Variants in CNTNAP5 observed in about 807,000 individuals in gnomAD.
The protein encoded by CNTNAP5 is contactin associated protein family member 5.
Under a neutral mutation model 150.2 loss-of-function variants are expected in CNTNAP5, and 72 were observed. That is an observed-to-expected ratio of 0.48 (90% confidence interval 0.40 to 0.58). The LOEUF is 0.58. Among genes scored for constraint, CNTNAP5 ranks in the 20% least tolerant of loss-of-function variants. The pLI is 0.00. For synonymous variants in CNTNAP5, 672 were observed against 619.8 expected (o/e 1.08, Z -1.25); for missense variants, 1,636 against 1,626.2 (o/e 1.01, Z -0.10).
At chr2:124,535,683 A>G (rs569311846) in intron 10 of CNTNAP5, among the ~76,000 whole-genome samples, 2 of 152,122 alleles carry the variant, frequency 1.3e-5, no homozygotes, top group Non-Finnish European at 2.9e-5. Context: ...AGGCTGAGGC[A>G]TGAGAATCGC....
chr2:124,298,123 G>A (rs960034882), intron 3 of CNTNAP5, among the ~76,000 whole-genome samples: 11 of 152,016 alleles, frequency 7.2e-5, no homozygotes, highest in Admixed American at 3.9e-4. Context: ...TTATTTACTG[G>A]CACTCCCTTC....
intron 19 of CNTNAP5, among the ~76,000 whole-genome samples, chr2:124,805,376 A>T (rs1246351090): frequency 6.6e-6 from 1 of 152,124 alleles, no homozygotes; most frequent in Non-Finnish European, 1.5e-5. Flanking sequence ...TGTAGAACTA[A>T]CTAACAAAGA....
intron 13 of CNTNAP5, among the ~76,000 whole-genome samples, chr2:124,734,538 CT>C (rs2105130798): frequency 6.6e-6 from 1 of 151,900 alleles, no homozygotes; most frequent in African/African-American, 2.4e-5. Flanking sequence ...TTTTGGGACT[CT>C]TGTAGCAAAT....
chr2:124,408,819 T>C (rs958299924), intron 3 of CNTNAP5, among the ~76,000 whole-genome samples: 3 of 152,198 alleles, frequency 2.0e-5, no homozygotes, highest in East Asian at 3.9e-4. Context: ...AACTCTAAAA[T>C]GCAGAGCTCC....
At chr2:124,763,192 C>T (rs916056595) in intron 14 of CNTNAP5, among the ~76,000 whole-genome samples, 3 of 151,800 alleles carry the variant, frequency 2.0e-5, no homozygotes, top group Non-Finnish European at 4.4e-5. Flanking sequence ...TAAAGCACCT[C>T]GAGTTAAAAG....
intron 1 of CNTNAP5, among the ~76,000 whole-genome samples, chr2:124,154,839 C>T (rs1452321754): frequency 6.6e-6 from 1 of 152,046 alleles, no homozygotes; most frequent in Non-Finnish European, 1.5e-5. Context: ...TTTTAAATTG[C>T]CTGATATCTA....
chr2:124,794,229 C>T (rs1681796431), intron 18 of CNTNAP5, among the ~76,000 whole-genome samples: 1 of 152,170 alleles, frequency 6.6e-6, no homozygotes, highest in Non-Finnish European at 1.5e-5. Context: ...TGGCACCACC[C>T]CTGCTCAAGT....
At chr2:124,780,255 A>C (rs538984976) in intron 17 of CNTNAP5, among the ~76,000 whole-genome samples, 2 of 152,238 alleles carry the variant, frequency 1.3e-5, no homozygotes, top group East Asian at 3.9e-4. Flanking sequence ...CAAGCAAAAG[A>C]CTGTTTCAAA....
chr2:124,670,133 T>C (rs796405641), intron 13 of CNTNAP5, among the ~76,000 whole-genome samples: 200 of 112,600 alleles, frequency 1.8e-3, no homozygotes, highest in African/African-American at 6.2e-3. Context: ...TCCTTCCTTC[T>C]TTCCTTCCTT....
intron 7 of CNTNAP5, among the ~76,000 whole-genome samples, chr2:124,492,874 C>A (rs1390130919): frequency 6.6e-6 from 1 of 151,926 alleles, no homozygotes; most frequent in Non-Finnish European, 1.5e-5. Flanking sequence ...TTGGTGGAGT[C>A]CTTATGATTT....
intron 14 of CNTNAP5, among the ~76,000 whole-genome samples, chr2:124,757,171 C>T (rs981575987): frequency 1.3e-5 from 2 of 152,124 alleles, no homozygotes; most frequent in Non-Finnish European, 2.9e-5. Context: ...TGTAAATAAA[C>T]CAAGAGATTC....
chr2:124,893,934 T>A (rs2104750879), intron 21 of CNTNAP5, among the ~76,000 whole-genome samples: 1 of 152,272 alleles, frequency 6.6e-6, no homozygotes, highest in African/African-American at 2.4e-5. Flanking sequence ...AAATTACATA[T>A]ATATATTAGA....
At chr2:124,527,264 T>C (rs756532115) in intron 9 of CNTNAP5, 21 bp from the exon 10 acceptor site, 1 of 1,604,588 alleles carries the variant, frequency 6.2e-7, no homozygotes, top group Non-Finnish European at 8.5e-7. Flanking sequence ...TTCTTCTTCA[T>C]CTTTTTTCTC....
At chr2:124,600,795 C>T (rs1696970986) in intron 11 of CNTNAP5, among the ~76,000 whole-genome samples, 1 of 142,158 alleles carries the variant, frequency 7.0e-6, no homozygotes, top group African/African-American at 2.6e-5. Context: ...GAAGCAAAAA[C>T]CACAGGGGAA....
intron 17 of CNTNAP5, among the ~76,000 whole-genome samples, chr2:124,788,572 AT>A (rs933710371): frequency 2.0e-4 from 29 of 146,884 alleles, no homozygotes; most frequent in African/African-American, 6.3e-4. Flanking sequence ...ATTCTATGTT[AT>A]TTTTTTTCTT....
intron 12 of CNTNAP5, 26 bp downstream of exon 12, chr2:124,609,946 A>G: frequency 6.3e-7 from 1 of 1,593,802 alleles, no homozygotes; most frequent in Non-Finnish European, 8.6e-7. Flanking sequence ...CCCTACTCAC[A>G]CTTAACCACC....
intron 13 of CNTNAP5, among the ~76,000 whole-genome samples, chr2:124,690,489 A>C (rs1347005070): frequency 2.0e-5 from 3 of 152,054 alleles, no homozygotes; most frequent in Non-Finnish European, 4.4e-5. Flanking sequence ...CCCTGTTTCC[A>C]GTTCTTTGTT....
At chr2:124,781,299 G>T (rs1301726641) in intron 17 of CNTNAP5, among the ~76,000 whole-genome samples, 2 of 152,186 alleles carry the variant, frequency 1.3e-5, no homozygotes, top group East Asian at 3.9e-4. Context: ...GTGGTATGTG[G>T]TATGTACTCA....
At chr2:124,536,212 A>G (rs1183510990) in intron 10 of CNTNAP5, among the ~76,000 whole-genome samples, 1 of 152,204 alleles carries the variant, frequency 6.6e-6, no homozygotes, top group Non-Finnish European at 1.5e-5. Context: ...TTTGTGGTCT[A>G]TTTCACAGAG....
Sources: allele counts gnomAD v4.1 joint callset (sites outside exome capture counted in the v4.1 genomes callset), GRCh38; gene constraint gnomAD v4.1.1; transcripts MANE v1.5; gene names NCBI Gene and HGNC (gene_info 2026-07-23, HGNC 2026-07-21).